The following DOP1B variants were observed in gnomAD, a reference collection of about 807,000 sequenced individuals.
DOP1B encodes DOP1 leucine zipper like protein B.
A neutral mutation model predicts 233.5 loss-of-function variants in DOP1B; 174 were observed. The ratio of observed to expected loss-of-function variants is 0.75; its 90% CI spans 0.66 to 0.85. DOP1B has a LOEUF of 0.85. DOP1B is among the 40% of genes least tolerant of loss of function. DOP1B has a pLI of 0.00. For missense variants in DOP1B, 2,652 were observed against 2,846.6 expected, an observed-to-expected ratio of 0.93 and a Z score of 1.56; for synonymous variants, 1,190 against 1,185.6, an observed-to-expected ratio of 1.00 and a Z score of -0.08.
chr21:36,260,427 G>A (rs1230408818), intron 23 of DOP1B, among the ~76,000 whole-genome samples: 1 of 152,198 alleles, frequency 6.6e-6, no homozygotes, highest in African/African-American at 2.4e-5. Flanking sequence ...CGCCTGGAAT[G>A]TAAAGTAGGT....
chr21:36,211,480 G>T, intron 5 of DOP1B, 73 bp from the exon 6 acceptor site: 1 of 1,383,842 alleles, frequency 7.2e-7, no homozygotes, highest in South Asian at 1.2e-5. Context: ...CAAGATTCCC[G>T]GGAAAGGTTA....
At chr21:36,285,956 C>T (rs1365722007) in intron 32 of DOP1B, among the ~76,000 whole-genome samples, 9 of 151,548 alleles carry the variant, frequency 5.9e-5, no homozygotes, top group Non-Finnish European at 1.0e-4. Context: ...TGCAATGAGC[C>T]GAGATCGCGC....
At chr21:36,183,631 C>T (rs1278674034) in intron 2 of DOP1B, among the ~76,000 whole-genome samples, 1 of 152,236 alleles carries the variant, frequency 6.6e-6, no homozygotes, top group East Asian at 1.9e-4. Context: ...TTCTGTCTCC[C>T]CATGGCGGAG....
At chr21:36,233,564 A>T (rs1319350286) in intron 15 of DOP1B, among the ~76,000 whole-genome samples, 1 of 152,120 alleles carries the variant, frequency 6.6e-6, no homozygotes, top group South Asian at 2.1e-4. Context: ...AAGGAAGGAG[A>T]TGATGAGCAG....
chr21:36,269,966 C>A, intron 26 of DOP1B, 47 bp from the exon 27 acceptor site: 2 of 1,603,096 alleles, frequency 1.2e-6, no homozygotes, highest in Non-Finnish European at 1.7e-6. Flanking sequence ...ACTTAACATT[C>A]TTTTCCTTAA....
intron 26 of DOP1B, among the ~76,000 whole-genome samples, chr21:36,269,186 G>A (rs753309746): frequency 1.3e-5 from 2 of 151,860 alleles, no homozygotes; most frequent in African/African-American, 2.4e-5. Flanking sequence ...ACGAAGTTTC[G>A]CTCCTGTTGC....
In DOP1B at chr21:36,219,297, T is replaced by C. The variant is rs1807084251; in HGVS notation, c.1130-75T>C. 12 of 1,555,414 alleles carry C rather than the reference T, an allele frequency of 7.7e-6. No individual in the cohort carries two copies. In the South Asian group the frequency reaches 1.2e-4, roughly 16 times the overall value. On this transcript the variant is annotated intron_variant, in intron 9 of 36. Transcript: ENST00000691173. ...ACAGGTTTACTGTATATATGTCTTA[T>C]GTATATACATATGTCACTTACTGAT...
chr21:36,207,490 GTT>G (rs1027284202), intron 4 of DOP1B, among the ~76,000 whole-genome samples: 1 of 120,956 alleles, frequency 8.3e-6, no homozygotes, highest in Non-Finnish European at 1.6e-5. Context: ...CAGCCAAACA[GTT>G]TTTTTTGTTT....
At position 36,278,319 on chromosome 21, in the gene DOP1B, AC is replaced by A; in HGVS notation, c.5937del (p.Ala1980LeufsTer20). ...WRKEVLELFL[D>X]PAFFQMDTSC... ...AAGGAGGTCCTGGAGCTGTTTCTCG[AC>A]CCCGCTTTCTTTCAGATGGATACTT... On this transcript the variant is annotated frameshift_variant, in exon 30 of 37. Coordinates refer to ENST00000691173, the MANE Select transcript of DOP1B (RefSeq NM_001320714.2). LOFTEE classifies it high-confidence loss of function. The A allele has an allele frequency of 1.2e-6, 2 of 1,613,804 alleles. No homozygotes were observed. The highest frequency in any genetic ancestry group is 8.5e-7 in the Non-Finnish European group (1 of 1,179,984).
intron 35 of DOP1B, among the ~76,000 whole-genome samples, chr21:36,291,387 C>T (rs904504012): frequency 6.6e-5 from 10 of 151,904 alleles, no homozygotes; most frequent in Admixed American, 1.3e-4. Flanking sequence ...GGTGAAACCC[C>T]GTCTCTACTA....
chr21:36,251,123 A>G (rs201555811), intron 21 of DOP1B, 39 bp from the exon 22 acceptor site: 228 of 1,597,298 alleles, frequency 1.4e-4, no homozygotes, highest in Admixed American at 3.6e-4. Context: ...CATAGCCCCA[A>G]TATTACTCTG....
intron 18 of DOP1B, among the ~76,000 whole-genome samples, chr21:36,242,861 T>G (rs2066907674): frequency 6.6e-6 from 1 of 152,228 alleles, no homozygotes; most frequent in South Asian, 2.1e-4. Context: ...GTCTGATTCT[T>G]CTTCATTTCT....
At chr21:36,229,771 C>T (rs778165881) in intron 13 of DOP1B, among the ~76,000 whole-genome samples, 2 of 150,498 alleles carry the variant, frequency 1.3e-5, no homozygotes, top group South Asian at 4.2e-4. Context: ...AAGCGATTCT[C>T]ATGCCTCAGC....
intron 5 of DOP1B, among the ~76,000 whole-genome samples, chr21:36,210,148 CT>C (rs2066478641): frequency 6.6e-6 from 1 of 150,594 alleles, no homozygotes; most frequent in Non-Finnish European, 1.5e-5. Flanking sequence ...CATCCCAAAT[CT>C]GCTAAGAGAT....
At chr21:36,273,611 G>C (rs2067315869) in intron 27 of DOP1B, among the ~76,000 whole-genome samples, 2 of 152,234 alleles carry the variant, frequency 1.3e-5, no homozygotes, top group South Asian at 4.1e-4. Flanking sequence ...GGACAGCCCT[G>C]CAGAGGTCTG....
At chr21:36,167,102 C>T (rs1035188686) in intron 2 of DOP1B, among the ~76,000 whole-genome samples, 2 of 152,188 alleles carry the variant, frequency 1.3e-5, no homozygotes, top group Non-Finnish European at 2.9e-5. Context: ...CGCATTGAGT[C>T]CCACATTCTT....
chr21:36,253,003 C>G (rs1160537387), intron 22 of DOP1B, among the ~76,000 whole-genome samples: 1 of 152,216 alleles, frequency 6.6e-6, no homozygotes, highest in Non-Finnish European at 1.5e-5. Flanking sequence ...ACATGGGCGC[C>G]TGTTCTCTGA....
chr21:36,178,819 A>G (rs905573849), intron 2 of DOP1B, among the ~76,000 whole-genome samples: 1 of 152,266 alleles, frequency 6.6e-6, no homozygotes, highest in African/African-American at 2.4e-5. Flanking sequence ...TTTATTGGGC[A>G]TACAATAAAC....
In DOP1B at chr21:36,288,105, T is replaced by G; in HGVS notation, c.6252T>G (p.Ser2084=). The change falls in exon 33 of 37, where the codon TCT becomes TCG. Residue 2084 remains serine (S), a synonymous_variant. Transcript: ENST00000691173. ...LFFRVLLLRI[S]PQHLTSLWPI... ...TCAGAGTTTTGCTGCTAAGAATATC[T>G]CCTCAACATTTGACTTCATTGTGGC... is the stretch of plus-strand genomic sequence containing the variant. 4 of 1,614,130 alleles carry G rather than the reference T, an allele frequency of 2.5e-6. No individual in the cohort carries two copies. The highest frequency in any genetic ancestry group is 2.5e-6 in the Non-Finnish European group (3 of 1,180,004).
Sources: allele counts gnomAD v4.1 joint callset (sites outside exome capture counted in the v4.1 genomes callset), GRCh38; gene constraint gnomAD v4.1.1; transcripts MANE v1.5; gene names NCBI Gene and HGNC (gene_info 2026-07-23, HGNC 2026-07-21).